Variants in TRIQK observed in about 807,000 individuals in gnomAD.
TRIQK encodes triple QxxK/R motif containing.
A neutral mutation model predicts 10.8 loss-of-function variants in TRIQK; 10 were observed. The ratio of observed to expected loss-of-function variants is 0.92; its 90% CI spans 0.57 to 1.57. The LOEUF (loss-of-function observed/expected upper bound fraction) is 1.57. Among genes scored for constraint, TRIQK ranks in the 40% most tolerant of loss-of-function variants. TRIQK has a pLI of 0.00. For missense variants in TRIQK, 107 were observed against 97.7 expected (o/e 1.09, Z -0.40); for synonymous variants, 33 against 33.7 (o/e 0.98, Z 0.07).
At chr8:92,944,475 A>G (rs1326984773) in intron 2 of TRIQK, among the ~76,000 whole-genome samples, 1 of 152,204 alleles carries the variant, frequency 6.6e-6, no homozygotes, top group Non-Finnish European at 1.5e-5. Context: ...GTATAAACGA[A>G]TAAGTGGATA....
chr8:92,915,241 A>G (rs2130446326), intron 3 of TRIQK, among the ~76,000 whole-genome samples: 1 of 152,270 alleles, frequency 6.6e-6, no homozygotes, highest in South Asian at 2.1e-4. Context: ...GGTCAAGGGT[A>G]TAAAGTTGCA....
intron 3 of TRIQK, among the ~76,000 whole-genome samples, chr8:92,914,158 C>G (rs1263425172): frequency 1.3e-5 from 2 of 152,074 alleles, no homozygotes; most frequent in East Asian, 3.9e-4. Flanking sequence ...TAAAAATTCT[C>G]AATAAATTAG....
chr8:92,926,730 G>A (rs947874329), intron 2 of TRIQK, among the ~76,000 whole-genome samples: 2 of 152,172 alleles, frequency 1.3e-5, no homozygotes, highest in African/African-American at 2.4e-5. Context: ...TTGAGGTCTG[G>A]TAACCAAAAG....
chr8:92,929,407 T>C (rs1459176396), intron 2 of TRIQK: 5 of 152,156 alleles, frequency 3.3e-5, no homozygotes, highest in Non-Finnish European at 7.4e-5. Context: ...CAAAACCTAA[T>C]AGAATTAATT....
intron 1 of TRIQK, among the ~76,000 whole-genome samples, chr8:92,997,654 G>A (rs1813166120): frequency 6.6e-6 from 1 of 152,036 alleles, no homozygotes; most frequent in Non-Finnish European, 1.5e-5. Flanking sequence ...ACTGAAAAAG[G>A]CACTAGCACC....
chr8:92,930,478 G>T, intron 2 of TRIQK, among the ~76,000 whole-genome samples: 1 of 150,740 alleles, frequency 6.6e-6, no homozygotes, highest in South Asian at 2.1e-4. Flanking sequence ...ATTACAAAGT[G>T]CTAATACAAG....
intron 2 of TRIQK, among the ~76,000 whole-genome samples, chr8:92,943,178 T>C (rs1398463825): frequency 1.3e-5 from 2 of 151,920 alleles, no homozygotes; most frequent in African/African-American, 2.4e-5. Flanking sequence ...ATTGAAGACA[T>C]ACATAAATGG....
chr8:93,009,711 A>C (rs1813313249), intron 1 of TRIQK, among the ~76,000 whole-genome samples: 1 of 152,162 alleles, frequency 6.6e-6, no homozygotes, highest in African/African-American at 2.4e-5. Flanking sequence ...ATTATGGAAA[A>C]CATTATGGAG....
At chr8:92,991,465 C>G (rs1336272556) in intron 1 of TRIQK, among the ~76,000 whole-genome samples, 39 of 152,284 alleles carry the variant, frequency 2.6e-4, no homozygotes, top group Non-Finnish European at 1.5e-5. Flanking sequence ...CTGGGAGACA[C>G]CTTCCAGCAG....
intron 3 of TRIQK, among the ~76,000 whole-genome samples, chr8:92,911,813 AC>A (rs1220741196): frequency 1.3e-5 from 2 of 150,118 alleles, no homozygotes; most frequent in Admixed American, 6.7e-5. Flanking sequence ...GTATATATGT[AC>A]ATACATGTAT....
intron 3 of TRIQK, among the ~76,000 whole-genome samples, chr8:92,910,958 T>C (rs943101210): frequency 5.3e-5 from 8 of 151,320 alleles, no homozygotes; most frequent in Non-Finnish European, 1.0e-4. Flanking sequence ...ATAATTAATA[T>C]AAGTAGTACT....
At chr8:92,978,659 A>G (rs1422845967) in intron 1 of TRIQK, among the ~76,000 whole-genome samples, 1 of 152,126 alleles carries the variant, frequency 6.6e-6, no homozygotes, top group Admixed American at 6.6e-5. Context: ...TTATGGGTAC[A>G]ACTTCTCAGG....
At chr8:92,984,153 G>A (rs915586424) in intron 1 of TRIQK, among the ~76,000 whole-genome samples, 1 of 152,004 alleles carries the variant, frequency 6.6e-6, no homozygotes, top group South Asian at 2.1e-4. Flanking sequence ...TACTGACTTG[G>A]CATTCCATTA....
chr8:92,960,655 T>C (rs1032862504), intron 1 of TRIQK: 1 of 152,166 alleles, frequency 6.6e-6, no homozygotes, highest in Non-Finnish European at 1.5e-5. Flanking sequence ...ATTGCTGCAA[T>C]GTTGCTGGCT....
chr8:93,012,908 C>T (rs925101044), intron 1 of TRIQK, among the ~76,000 whole-genome samples: 1 of 152,164 alleles, frequency 6.6e-6, no homozygotes, highest in Non-Finnish European at 1.5e-5. Flanking sequence ...TCAGAAACAA[C>T]AAGGGCTGGG....
intron 1 of TRIQK, among the ~76,000 whole-genome samples, chr8:92,982,950 T>C (rs1384142940): frequency 6.6e-6 from 1 of 151,860 alleles, no homozygotes; most frequent in Non-Finnish European, 1.5e-5. Flanking sequence ...AAGTGACACA[T>C]TGGGTAGATT....
At chr8:92,908,244 T>C (rs1224139251) in intron 3 of TRIQK, among the ~76,000 whole-genome samples, 1 of 150,962 alleles carries the variant, frequency 6.6e-6, no homozygotes, top group East Asian at 1.9e-4. Context: ...TTCTAGAAGC[T>C]CACTGTTTCT....
At chr8:92,937,998 T>C (rs920984861) in intron 2 of TRIQK, among the ~76,000 whole-genome samples, 1 of 152,020 alleles carries the variant, frequency 6.6e-6, no homozygotes, top group African/African-American at 2.4e-5. Flanking sequence ...TCATTTTCCT[T>C]TTTTCTGAAG....
chr8:92,950,849 T>C (rs1408276412), intron 2 of TRIQK, among the ~76,000 whole-genome samples: 4 of 152,158 alleles, frequency 2.6e-5, no homozygotes, highest in East Asian at 1.9e-4. Flanking sequence ...CTTTTCTATT[T>C]TCTTTTTGAA....
Sources: gnomAD v4.1 joint callset for allele counts (sites outside exome capture counted in the v4.1 genomes callset) on GRCh38, gnomAD v4.1.1 for gene constraint, MANE v1.5 for transcripts, NCBI Gene and HGNC (gene_info 2026-07-23, HGNC 2026-07-21) for gene names.